The following ANKRD17 variants were observed in gnomAD, a reference collection of about 807,000 sequenced individuals.
The protein encoded by ANKRD17 is ankyrin repeat domain-containing protein 17.
Under a neutral mutation model 229.7 loss-of-function variants are expected in ANKRD17, and 19 were observed. That is an observed-to-expected ratio of 0.08 (90% confidence interval 0.06 to 0.12). The LOEUF (loss-of-function observed/expected upper bound fraction) is 0.12. Ranked by LOEUF, ANKRD17 falls within the 10% of genes least tolerant of loss-of-function variation. The probability of loss-of-function intolerance (pLI) is 1.00; values close to 1 mark genes in which losing one functional copy is unlikely to be tolerated. For missense variants in ANKRD17, 2,176 were observed against 3,176.8 expected (o/e 0.68, Z 7.57); for synonymous variants, 1,112 against 1,146.1 (o/e 0.97, Z 0.60).
chr4:73,121,887 G>C (rs1176836316), intron 18 of ANKRD17, 128 bp from the exon 19 acceptor site: 1 of 922,028 alleles, frequency 1.1e-6, no homozygotes, highest in Admixed American at 3.5e-5. Context: ...TTCATGCTCT[G>C]CATAAAATCA....
At position 73,076,994 on chromosome 4, in the gene ANKRD17, C is replaced by A. The variant is rs200558680; in HGVS notation, c.7698G>T (p.Trp2566Cys). ...TGGAAACCATCTTTATCAGTGAGTT[C>A]CAAGAAGGGTCTGCAGCATGAGGGC... ...FNGPHAADPS[W>C]NSLIKMVSSS... is the part of the protein sequence containing the mutation. The change falls in exon 33 of 34, where the codon TGG becomes TGT. Residue 2566 changes from tryptophan to cysteine, a missense_variant. Trp to Cys is a radical substitution (Grantham distance 215, BLOSUM62 -2). Coordinates refer to ENST00000358602, the MANE Select transcript of ANKRD17 (RefSeq NM_032217.5). 1.2e-6 allele frequency: 2 copies of A among 1,613,454 alleles called. No individual in the cohort carries two copies. The highest frequency in any genetic ancestry group is 1.7e-6 in the Non-Finnish European group (2 of 1,179,710).
intron 24 of ANKRD17, chr4:73,112,496 G>T: frequency 9.3e-6 from 2 of 215,834 alleles, no homozygotes; most frequent in Non-Finnish European, 1.6e-5. Flanking sequence ...GGCCAAAACA[G>T]CTACTTTTAA....
intron 18 of ANKRD17, among the ~76,000 whole-genome samples, chr4:73,122,017 T>C (rs973055295): frequency 1.3e-5 from 2 of 152,114 alleles, no homozygotes; most frequent in Middle Eastern, 3.2e-3. Flanking sequence ...ACTGAAAATT[T>C]TGTGACATGC....
chr4:73,236,418 T>C (rs1743517525), intron 1 of ANKRD17, among the ~76,000 whole-genome samples: 1 of 152,112 alleles, frequency 6.6e-6, no homozygotes, highest in African/African-American at 2.4e-5. Flanking sequence ...CAAAGGGCTG[T>C]CATTACAGAT....
At chr4:73,135,302 A>T in intron 15 of ANKRD17, 37 bp from the exon 16 acceptor site, 1 of 1,585,452 alleles carries the variant, frequency 6.3e-7, no homozygotes, top group Non-Finnish European at 8.6e-7. Flanking sequence ...TAAGGATGAA[A>T]CATTGTTAAG....
rs778751458 is a variant in ANKRD17 at position 73,091,239 on chromosome 4, G to A, written c.6389C>T (p.Pro2130Leu). The A allele has an allele frequency of 6.8e-6, 11 of 1,614,098 alleles. No homozygotes were observed. The African/African-American group carries it at 1.1e-4, about 16-fold the overall frequency. The change falls in exon 29 of 34, where the codon CCC (proline) becomes CTC (leucine). Residue 2130 changes from proline (P) to leucine (L), a missense_variant. Pro to Leu is a moderately conservative substitution (Grantham distance 98). Coordinates refer to ENST00000358602, the MANE Select transcript of ANKRD17 (RefSeq NM_032217.5). ...AGGAACAGTCATTCTAACTTCCGGGGGAGGAACCTGAGACTGCTGAAGAGG... is the reference window on the plus strand; with the variant it reads ...AGGAACAGTCATTCTAACTTCCGGGAGAGGAACCTGAGACTGCTGAAGAGG... ...RPPLQQSQVP[P>L]PEVRMTVPPL...
At chr4:73,226,345 C>G (rs1166875530) in intron 1 of ANKRD17, among the ~76,000 whole-genome samples, 1 of 150,084 alleles carries the variant, frequency 6.7e-6, no homozygotes, top group Non-Finnish European at 1.5e-5. Flanking sequence ...TATCCTAATA[C>G]CTTTTAAATT....
intron 1 of ANKRD17, among the ~76,000 whole-genome samples, chr4:73,191,771 TTAAAA>T (rs1187344381): frequency 2.0e-5 from 3 of 151,960 alleles, no homozygotes; most frequent in Non-Finnish European, 4.4e-5. Context: ...GCAATATAAA[TTAAAA>T]TAAAATATTT....
chr4:73,147,757 A>AATG (rs201108365), intron 8 of ANKRD17, among the ~76,000 whole-genome samples: 5 of 151,862 alleles, frequency 3.3e-5, no homozygotes, highest in South Asian at 2.1e-4. Flanking sequence ...TACTGGTGAT[A>AATG]ATGATGATGA....
chr4:73,203,933 A>C (rs1215821141), intron 1 of ANKRD17, among the ~76,000 whole-genome samples: 2 of 151,930 alleles, frequency 1.3e-5, no homozygotes, highest in Non-Finnish European at 2.9e-5. Context: ...CAATGAAAAA[A>C]CTCTTAAAAA....
At chr4:73,086,919 A>AAAAAAAAAATAT (rs1553911000) in intron 29 of ANKRD17, among the ~76,000 whole-genome samples, 1 of 12,460 alleles carries the variant, frequency 8.0e-5, no homozygotes. Flanking sequence ...AAAAAAAAAA[A>AAAAAAAAAATAT]ATATATATAT....
rs78264289 is a variant in ANKRD17, at chr4:73,113,158, T to C, written c.4401+634A>G. ...CAATGCCAAACCAATTATTTTCCTA[T>C]GATTACTATTCAGTTAAGTTCTAGA... On this transcript the variant is annotated intron_variant, in intron 24 of 33. Coordinates refer to ENST00000358602, the MANE Select transcript of ANKRD17 (RefSeq NM_032217.5). The C allele has an allele frequency of 4.2e-4, 527 of 1,253,162 alleles. 1 individual carries two copies. In the African/African-American group the frequency reaches 7.6e-3, roughly 18 times the overall value. 77.6% of individuals were successfully genotyped at this position (1,253,162 alleles called of 1,614,324 possible). A position where few individuals can be genotyped will look rare whatever the true frequency, so the allele number is the denominator to read the frequency against.
intron 1 of ANKRD17, among the ~76,000 whole-genome samples, chr4:73,228,929 T>C (rs1347940703): frequency 6.6e-6 from 1 of 152,214 alleles, no homozygotes; most frequent in African/African-American, 2.4e-5. Context: ...GTGGCACGTA[T>C]ACACCATGGA....
At chr4:73,193,501 A>C (rs1228198557) in intron 1 of ANKRD17, among the ~76,000 whole-genome samples, 1 of 152,056 alleles carries the variant, frequency 6.6e-6, no homozygotes, top group African/African-American at 2.4e-5. Context: ...ACATATTCTC[A>C]CTAGCTTTTG....
At chr4:73,232,894 TG>T (rs1434382869) in intron 1 of ANKRD17, among the ~76,000 whole-genome samples, 1 of 152,114 alleles carries the variant, frequency 6.6e-6, no homozygotes, top group East Asian at 1.9e-4. Flanking sequence ...AGCTAATTTT[TG>T]TATTTTTAGT....
At chr4:73,193,463 C>T (rs1737408905) in intron 1 of ANKRD17, among the ~76,000 whole-genome samples, 1 of 152,124 alleles carries the variant, frequency 6.6e-6, no homozygotes, top group Admixed American at 6.5e-5. Context: ...TACATTCCTA[C>T]CTGCAATATA....
chr4:73,096,247 A>G (rs1349560792), intron 27 of ANKRD17, among the ~76,000 whole-genome samples: 1 of 152,242 alleles, frequency 6.6e-6, no homozygotes, highest in Middle Eastern at 3.2e-3. Context: ...TCCAAACTGT[A>G]TAACACAGTA....
chr4:73,171,409 T>G (rs1160346132), intron 2 of ANKRD17, among the ~76,000 whole-genome samples: 1 of 152,044 alleles, frequency 6.6e-6, no homozygotes, highest in African/African-American at 2.4e-5. Context: ...AATACCCAAG[T>G]CCCTTCGACT....
At chr4:73,144,092 T>C (rs1729938204) in intron 11 of ANKRD17, among the ~76,000 whole-genome samples, 1 of 152,162 alleles carries the variant, frequency 6.6e-6, no homozygotes, top group African/African-American at 2.4e-5. Context: ...TAATCTCTTA[T>C]ACTTAAGAAT....
Sources: allele counts gnomAD v4.1 joint callset (sites outside exome capture counted in the v4.1 genomes callset), GRCh38; gene constraint gnomAD v4.1.1; transcripts MANE v1.5; gene names NCBI Gene and HGNC (gene_info 2026-07-23, HGNC 2026-07-21).